The following ASB13 variants were observed in gnomAD, a reference collection of about 807,000 sequenced individuals.
ASB13 encodes the protein ankyrin repeat and SOCS box containing 13.
ASB13 carries 33 observed loss-of-function variants against 28.8 expected under a neutral mutation model. That is an observed-to-expected ratio of 1.15 (90% CI 0.87 to 1.53). ASB13 has a LOEUF of 1.53. Among genes scored for constraint, ASB13 ranks in the 40% most tolerant of loss-of-function variants. The pLI, the probability that ASB13 is intolerant of heterozygous loss-of-function variation, is 0.00. For missense variants in ASB13, 414 were observed against 390.1 expected (o/e 1.06, Z -0.52); for synonymous variants, 182 against 172.9 (o/e 1.05, Z -0.41).
chr10:5,664,098 A>T lies in ASB13; in HGVS notation c.43+2411T>A, dbSNP rs1835216801. On this transcript the variant is annotated intron_variant, in intron 1 of 5. Transcript: ENST00000357700. This position sits in a 1 kb window ranked among gnomAD's most constrained non-coding sequence, Gnocchi z 4.2. ...CAGGCTGGTGCAGTGGCTAACCAGG[A>T]TACAGAAGGCGGGCTTGGCACCCGG... Among the ~76,000 whole-genome samples the T allele has an allele frequency of 6.6e-6, 1 of 152,162 alleles. No individual in the cohort carries two copies. Among genetic ancestry groups the T allele is most frequent in the African/African-American group, 2.4e-5 (1 of 41,434 alleles).
At chr10:5,666,339 G>T (rs369855835) in intron 1 of ASB13, among the ~76,000 whole-genome samples, 170 bp downstream of exon 1, 1 of 152,134 alleles carries the variant, frequency 6.6e-6, no homozygotes, top group Non-Finnish European at 1.5e-5. Flanking sequence ...TGGGATGCGC[G>T]GCACCACTGG....
Position 5,642,459 on chromosome 10 carries a change from A to G in ASB13, c.518-498T>C. 1 of 1,160,736 alleles carries G rather than the reference A, an allele frequency of 8.6e-7. No individual in the cohort carries two copies. The highest frequency in any genetic ancestry group is 1.1e-6 in the Non-Finnish European group (1 of 923,672). The allele number at this position is 1,160,736 out of a possible 1,614,324, so 71.9% of individuals were successfully genotyped here. On this transcript the variant is annotated intron_variant, in intron 4 of 5. Coordinates refer to ENST00000357700, the MANE Select transcript of ASB13 (RefSeq NM_024701.4). The surrounding 1 kb of genome is among the most constrained non-coding windows in gnomAD (Gnocchi z 4.1). ...AATGCATATTCTTTTACAAAAGGAA[A>G]ACAGATAACGTACCCAAAACAGTAG...
intron 1 of ASB13, among the ~76,000 whole-genome samples, chr10:5,653,394 T>C (rs139557504): frequency 1.3e-5 from 2 of 152,230 alleles, no homozygotes; most frequent in Non-Finnish European, 2.9e-5. Flanking sequence ...CCCCTGCCAA[T>C]TGTCCACTCT....
At position 5,639,457 on chromosome 10, in the gene ASB13, A is replaced by C. The variant is rs1438194436; in HGVS notation, c.*1246T>G. On this transcript the variant is annotated 3_prime_UTR_variant, in exon 6 of 6. Coordinates refer to ENST00000357700, the MANE Select transcript of ASB13 (RefSeq NM_024701.4). ...CCTGACCTCAGATGCCCCAGAAACCACTCATCCCTGAACTAATCATGCAAA... is the reference window on the plus strand; with the variant it reads ...CCTGACCTCAGATGCCCCAGAAACCCCTCATCCCTGAACTAATCATGCAAA... The C allele has an allele frequency of 6.6e-6, 1 of 151,968 alleles. No homozygotes were observed. The highest frequency in any genetic ancestry group is 2.4e-5 in the African/African-American group (1 of 41,274). 9.4% of individuals were successfully genotyped at this position (151,968 alleles called of 1,614,324 possible). A position where few individuals can be genotyped will look rare whatever the true frequency, so the allele number is the denominator to read the frequency against.
rs1834812472 is a variant in ASB13 at position 5,641,853 on chromosome 10, T to A, written c.626A>T (p.Tyr209Phe). 1 of 1,613,934 alleles carries A rather than the reference T, an allele frequency of 6.2e-7. No homozygotes were observed. The highest frequency in any genetic ancestry group is 8.5e-7 in the Non-Finnish European group (1 of 1,179,956). ...EMLIEFGGNI[Y>F]ARDNRGKKPS... is the part of the protein sequence containing the mutation. ...CTTCTTCCCGCGGTTGTCCCGGGCG[T>A]AGATGTTGCCGCCAAACTCGATAAG... is the stretch of plus-strand genomic sequence containing the variant. Residue 209 changes from tyrosine (Y) to phenylalanine (F), a missense_variant, in exon 5 of 6, where the codon TAC (tyrosine) becomes TTC (phenylalanine). Tyr to Phe is a conservative substitution (Grantham distance 22). Coordinates refer to ENST00000357700, the MANE Select transcript of ASB13 (RefSeq NM_024701.4). This position sits in a 1 kb window ranked among gnomAD's most constrained non-coding sequence, Gnocchi z 8.4.
Position 5,645,070 on chromosome 10 carries a change from T to G in ASB13, c.518-3109A>C, listed in dbSNP as rs1834862962. Among the ~76,000 whole-genome samples the G allele has an allele frequency of 6.6e-6, 1 of 151,984 alleles. No homozygotes were observed. Among genetic ancestry groups the G allele is most frequent in the South Asian group, 2.1e-4 (1 of 4,794 alleles). ...TCAGAGAAAAGGGGTCAACACAGGC[T>G]CATTACCAAAATCCTGCTTTCAACA... On this transcript the variant is annotated intron_variant, in intron 4 of 5. Coordinates refer to ENST00000357700, the MANE Select transcript of ASB13 (RefSeq NM_024701.4). This position sits in a 1 kb window ranked among gnomAD's most constrained non-coding sequence, Gnocchi z 5.4.
rs938330804 is a variant in ASB13 at position 5,642,333 on chromosome 10, G to A, written c.518-372C>T. The A allele has an allele frequency of 6.4e-5, 24 of 372,932 alleles. No individual in the cohort carries two copies. Among genetic ancestry groups the A allele is most frequent in the African/African-American group, 3.6e-4 (17 of 47,040 alleles). 23.1% of individuals were successfully genotyped at this position (372,932 alleles called of 1,614,324 possible). ...AAACCAGAGCCACTCAAGCACTCCC[G>A]CCTGGCCTCCAGCACAGACACACAC... is the stretch of plus-strand genomic sequence containing the variant. On this transcript the variant is annotated intron_variant, in intron 4 of 5. Coordinates refer to ENST00000357700, the MANE Select transcript of ASB13 (RefSeq NM_024701.4). This position sits in a 1 kb window ranked among gnomAD's most constrained non-coding sequence, Gnocchi z 4.1.
Position 5,659,440 on chromosome 10 carries a change from T to A in ASB13, c.44-6390A>T, listed in dbSNP as rs989657052. Among the ~76,000 whole-genome samples the A allele has an allele frequency of 1.3e-5, 2 of 151,946 alleles. No homozygotes were observed. The highest frequency in any genetic ancestry group is 2.4e-5 in the African/African-American group (1 of 41,336). On this transcript the variant is annotated intron_variant, in intron 1 of 5. Transcript: ENST00000357700. The surrounding 1 kb of genome is among the most constrained non-coding windows in gnomAD (Gnocchi z 5.8). ...CACGACCATGCAGTCACAGGCCCTG[T>A]CCCCAGGCTCCCCGTCATGCACACA... is the stretch of plus-strand genomic sequence containing the variant.
chr10:5,649,118 GA>G lies in ASB13; in HGVS notation c.383-15del. 1.2e-6 allele frequency: 2 copies of G among 1,613,972 alleles called. No individual in the cohort carries two copies. Among genetic ancestry groups the G allele is most frequent in the South Asian group, 1.1e-5 (1 of 91,082 alleles). On this transcript the variant is annotated splice_polypyrimidine_tract_variant and intron_variant, in intron 3 of 5. Coordinates refer to ENST00000357700, the MANE Select transcript of ASB13 (RefSeq NM_024701.4). This position sits in a 1 kb window ranked among gnomAD's most constrained non-coding sequence, Gnocchi z 6.4. ...ATTCGGAACTCCCTTAAGATAAATG[GA>G]AAAGGGGGGGAATGTCCTTGAATAC...
At chr10:5,666,476 C>T in intron 1 of ASB13, 33 bp downstream of exon 1, 1 of 1,291,692 alleles carries the variant, frequency 7.7e-7, no homozygotes. Flanking sequence ...GGCGCCGCTG[C>T]CTCGCTCTGA....
In ASB13 at chr10:5,641,633, A is replaced by C; in HGVS notation, c.709+137T>G. The C allele has an allele frequency of 1.1e-6, 1 of 907,816 alleles. No individual in the cohort carries two copies. The highest frequency in any genetic ancestry group is 1.6e-6 in the Non-Finnish European group (1 of 624,742). 56.2% of individuals were successfully genotyped at this position (907,816 alleles called of 1,614,324 possible). The stretch of plus-strand genomic sequence containing the variant: ...CACAAACAGCCCCCGCAAAGTGCTT[A>C]AGGGTCTGTCCTAGCGCAGAGGACA... On this transcript the variant is annotated intron_variant, in intron 5 of 5. Coordinates refer to ENST00000357700, the MANE Select transcript of ASB13 (RefSeq NM_024701.4). This position sits in a 1 kb window ranked among gnomAD's most constrained non-coding sequence, Gnocchi z 8.4.
rs35351865 is a variant in ASB13, at chr10:5,658,745, A to T, written c.44-5695T>A. ...CTACAATTAAAAATAGAAAAAAAAA[A>T]TTTTTAAGTAACCAGAAGCTGGAGG... On this transcript the variant is annotated intron_variant, in intron 1 of 5. Transcript: ENST00000357700. The surrounding 1 kb of genome is among the most constrained non-coding windows in gnomAD (Gnocchi z 4.2). Among the ~76,000 whole-genome samples the T allele has an allele frequency of 0.2, 30,033 of 151,536 alleles. 3,285 individuals are homozygous for T. The highest frequency in any genetic ancestry group is 0.31 in the Middle Eastern group (90 of 294).
In ASB13 at chr10:5,642,767, C is replaced by T. The variant is rs1834829921; in HGVS notation, c.518-806G>A. ...GTTCAAGCGATTCTCCTGCCTCAGC[C>T]TCCCGAGTTGCTGGGATGACAGGTG... On this transcript the variant is annotated intron_variant, in intron 4 of 5. Coordinates refer to ENST00000357700, the MANE Select transcript of ASB13 (RefSeq NM_024701.4). This position sits in a 1 kb window ranked among gnomAD's most constrained non-coding sequence, Gnocchi z 4.1. Among the ~76,000 whole-genome samples the T allele has an allele frequency of 6.6e-6, 1 of 151,922 alleles. No individual in the cohort carries two copies. The highest frequency in any genetic ancestry group is 2.4e-5 in the African/African-American group (1 of 41,350).
rs190833241 is a variant in ASB13 at position 5,658,879 on chromosome 10, C to T, written c.44-5829G>A. On this transcript the variant is annotated intron_variant, in intron 1 of 5. Coordinates refer to ENST00000357700, the MANE Select transcript of ASB13 (RefSeq NM_024701.4). This position sits in a 1 kb window ranked among gnomAD's most constrained non-coding sequence, Gnocchi z 4.2. ...GACAGCAGGTGCCTGGGGTGCACCTCGTCACCTTTCCTGACACCCCCAAAC... is the reference window on the plus strand; with the variant it reads ...GACAGCAGGTGCCTGGGGTGCACCTTGTCACCTTTCCTGACACCCCCAAAC... Among the ~76,000 whole-genome samples, 9 of 152,254 alleles carry T rather than the reference C, an allele frequency of 5.9e-5. No individual in the cohort carries two copies. The East Asian group carries it at 1.4e-3, about 23-fold the overall frequency.
At chr10:5,643,866 G>C (rs191767094) in intron 4 of ASB13, among the ~76,000 whole-genome samples, 4 of 152,350 alleles carry the variant, frequency 2.6e-5, no homozygotes, top group South Asian at 4.1e-4. Flanking sequence ...GGGAGGCACA[G>C]CTACTCTCTC....
At position 5,645,551 on chromosome 10, in the gene ASB13, C is replaced by T. The variant is rs938425451; in HGVS notation, c.517+3419G>A. 7.9e-5 allele frequency among the ~76,000 whole-genome samples: 12 copies of T among 152,178 alleles called. No individual in the cohort carries two copies. The highest frequency in any genetic ancestry group is 6.5e-4 in the Admixed American group (10 of 15,284). On this transcript the variant is annotated intron_variant, in intron 4 of 5. Transcript: ENST00000357700. This position sits in a 1 kb window ranked among gnomAD's most constrained non-coding sequence, Gnocchi z 5.4. ...GAACAAGAACAACGGTCTCCACGTC[C>T]CCCGTGGGGTGCAACGTGGCTCTGC...
Position 5,660,879 on chromosome 10 carries a change from G to A in ASB13, c.43+5630C>T, listed in dbSNP as rs543893632. On this transcript the variant is annotated intron_variant, in intron 1 of 5. Transcript: ENST00000357700. This position sits in a 1 kb window ranked among gnomAD's most constrained non-coding sequence, Gnocchi z 6.1. ...GACCAGAGCCCCTCCATCGCTCCCT[G>A]CCTTGCAAGCCACCCAGCAGTGTGC... Among the ~76,000 whole-genome samples the A allele has an allele frequency of 6.6e-6, 1 of 152,210 alleles. No individual in the cohort carries two copies. Among genetic ancestry groups the A allele is most frequent in the African/African-American group, 2.4e-5 (1 of 41,520 alleles).
chr10:5,663,517 C>T lies in ASB13; in HGVS notation c.43+2992G>A, dbSNP rs1483317738. 3.9e-5 allele frequency among the ~76,000 whole-genome samples: 6 copies of T among 152,296 alleles called. No homozygotes were observed. The highest frequency in any genetic ancestry group is 7.2e-5 in the African/African-American group (3 of 41,570). ...CCACCCTCAAGGCACTGTGGGAGCTCAGGCCCTGACTCAGGACCCCTGAGC... is the reference window on the plus strand; with the variant it reads ...CCACCCTCAAGGCACTGTGGGAGCTTAGGCCCTGACTCAGGACCCCTGAGC... On this transcript the variant is annotated intron_variant, in intron 1 of 5. Coordinates refer to ENST00000357700, the MANE Select transcript of ASB13 (RefSeq NM_024701.4). The surrounding 1 kb of genome is among the most constrained non-coding windows in gnomAD (Gnocchi z 4.9).
In ASB13 at chr10:5,658,235, G is replaced by A. The variant is rs1277857668; in HGVS notation, c.44-5185C>T. Reference sequence around the variant, plus strand: ...TCTAATCCCAGCACTTTGGGAGGCCGAGGCAGGCAATATGGTGAAACCCCA... The same window carrying A: ...TCTAATCCCAGCACTTTGGGAGGCCAAGGCAGGCAATATGGTGAAACCCCA... On this transcript the variant is annotated intron_variant, in intron 1 of 5. Coordinates refer to ENST00000357700, the MANE Select transcript of ASB13 (RefSeq NM_024701.4). The surrounding 1 kb of genome is among the most constrained non-coding windows in gnomAD (Gnocchi z 4.2). Among the ~76,000 whole-genome samples, 8 of 152,048 alleles carry A rather than the reference G, an allele frequency of 5.3e-5. No individual in the cohort carries two copies. Among genetic ancestry groups the A allele is most frequent in the African/African-American group, 9.7e-5 (4 of 41,396 alleles).
Sources: allele counts gnomAD v4.1 joint callset (sites outside exome capture counted in the v4.1 genomes callset), GRCh38; gene constraint gnomAD v4.1.1; non-coding constraint Gnocchi (gnomAD v3.1); transcripts MANE v1.5; gene names NCBI Gene and HGNC (gene_info 2026-07-23, HGNC 2026-07-21).